ZNF804B: variants seen among roughly 807,000 people sequenced by gnomAD.
The protein encoded by ZNF804B is zinc finger 804B.
ZNF804B carries 80 observed loss-of-function variants against 101.4 expected under a neutral mutation model. That is an observed-to-expected ratio of 0.79 (90% CI 0.66 to 0.95). The LOEUF (loss-of-function observed/expected upper bound fraction) is 0.95. Ranked by LOEUF, ZNF804B falls within the 40% of genes least tolerant of loss-of-function variation. The pLI, the probability that ZNF804B is intolerant of heterozygous loss-of-function variation, is 0.00. For synonymous variants in ZNF804B, 622 were observed against 558.8 expected (o/e 1.11, Z -1.59); for missense variants, 1,673 against 1,561.9 (o/e 1.07, Z -1.20).
At chr7:89,015,217 T>C (rs1244535819) in intron 1 of ZNF804B, among the ~76,000 whole-genome samples, 4 of 152,146 alleles carry the variant, frequency 2.6e-5, no homozygotes, top group African/African-American at 7.2e-5. Context: ...TTTCTGTTTT[T>C]ATGCCAGTAT....
intron 2 of ZNF804B, among the ~76,000 whole-genome samples, chr7:89,292,494 A>C (rs1790312158): frequency 6.6e-6 from 1 of 152,116 alleles, no homozygotes; most frequent in Admixed American, 6.6e-5. Context: ...AGCTTAAAAT[A>C]ATATTTTATA....
chr7:88,833,552 A>C (rs1007416472), intron 1 of ZNF804B, among the ~76,000 whole-genome samples: 10 of 151,998 alleles, frequency 6.6e-5, no homozygotes, highest in African/African-American at 2.4e-4. Flanking sequence ...AAGATAGGAA[A>C]ATTTAGAGTC....
chr7:88,872,257 A>G (rs1791838323), intron 1 of ZNF804B, among the ~76,000 whole-genome samples: 2 of 152,094 alleles, frequency 1.3e-5, no homozygotes, highest in African/African-American at 4.8e-5. Context: ...GACCTGTACA[A>G]AATTGAACTG....
chr7:89,071,825 C>A (rs1460523454), intron 1 of ZNF804B, among the ~76,000 whole-genome samples: 1 of 149,024 alleles, frequency 6.7e-6, no homozygotes, highest in Non-Finnish European at 1.5e-5. Flanking sequence ...CTTCCAAAAA[C>A]ATAACATGGC....
intron 1 of ZNF804B, among the ~76,000 whole-genome samples, chr7:89,042,509 G>A (rs984572080): frequency 2.6e-5 from 4 of 152,002 alleles, no homozygotes; most frequent in Non-Finnish European, 5.9e-5. Flanking sequence ...TTTCACTACT[G>A]ATACTGAGTC....
At chr7:89,147,083 G>GGATATATATATA (rs1790802383) in intron 1 of ZNF804B, among the ~76,000 whole-genome samples, 1 of 140,180 alleles carries the variant, frequency 7.1e-6, no homozygotes, top group Non-Finnish European at 1.6e-5. Flanking sequence ...GGATAATCAG[G>GGATATATATATA]TATATATATA....
intron 1 of ZNF804B, among the ~76,000 whole-genome samples, chr7:89,115,411 T>C (rs1387873325): frequency 6.6e-6 from 1 of 152,208 alleles, no homozygotes; most frequent in African/African-American, 2.4e-5. Context: ...TTTGGTGTCC[T>C]GAAGGTTTTC....
chr7:89,318,705 T>C (rs1790767057), intron 2 of ZNF804B, among the ~76,000 whole-genome samples: 1 of 152,166 alleles, frequency 6.6e-6, no homozygotes, highest in African/African-American at 2.4e-5. Context: ...GAGGTTGCAG[T>C]GACCTGAGAT....
At chr7:88,922,894 C>T (rs1792742150) in intron 1 of ZNF804B, among the ~76,000 whole-genome samples, 1 of 151,802 alleles carries the variant, frequency 6.6e-6, no homozygotes, top group Non-Finnish European at 1.5e-5. Flanking sequence ...ATTCCTCTTA[C>T]ATCTCTAAAA....
At chr7:89,120,220 A>C (rs1228570826) in intron 1 of ZNF804B, among the ~76,000 whole-genome samples, 2 of 151,794 alleles carry the variant, frequency 1.3e-5, no homozygotes, top group African/African-American at 2.4e-5. Context: ...CCTAGGAGGC[A>C]GAGGTTGCAG....
At chr7:89,096,505 C>A (rs955201051) in intron 1 of ZNF804B, among the ~76,000 whole-genome samples, 1 of 152,116 alleles carries the variant, frequency 6.6e-6, no homozygotes, top group Non-Finnish European at 1.5e-5. Flanking sequence ...TTAGTGGTTG[C>A]TTTCGACTCA....
chr7:89,098,845 G>C (rs73391283), intron 1 of ZNF804B, among the ~76,000 whole-genome samples: 3,885 of 151,698 alleles, frequency 0.026, 173 homozygotes, highest in African/African-American at 0.086. Context: ...GCATTTATTT[G>C]TTTATAAGCT....
intron 1 of ZNF804B, among the ~76,000 whole-genome samples, chr7:89,115,904 G>GTTTTTT (rs112266242): frequency 1.4e-5 from 2 of 146,056 alleles, no homozygotes; most frequent in African/African-American, 2.5e-5. Flanking sequence ...AGGTTTTTTT[G>GTTTTTT]TTTTTTTTTT....
intron 1 of ZNF804B, among the ~76,000 whole-genome samples, chr7:89,091,187 G>T (rs1789881009): frequency 6.6e-6 from 1 of 151,638 alleles, no homozygotes; most frequent in African/African-American, 2.4e-5. Context: ...TGAGTTTAGG[G>T]ATGCTAATTA....
chr7:89,067,583 T>A (rs1379192467), intron 1 of ZNF804B, among the ~76,000 whole-genome samples: 1 of 152,138 alleles, frequency 6.6e-6, no homozygotes, highest in Non-Finnish European at 1.5e-5. Flanking sequence ...TGGCCAAAGT[T>A]GTCTCTTCCT....
intron 1 of ZNF804B, among the ~76,000 whole-genome samples, chr7:88,797,175 A>G (rs140099052): frequency 1.3e-5 from 2 of 152,094 alleles, no homozygotes; most frequent in East Asian, 3.9e-4. Context: ...TTATTTGTTC[A>G]TGTTTCATCC....
At chr7:89,259,564 A>C (rs1208834) in intron 2 of ZNF804B, among the ~76,000 whole-genome samples, 108,095 of 152,090 alleles carry the variant, frequency 0.71, 39,522 homozygotes, top group African/African-American at 0.86. Context: ...CATTGACAAG[A>C]CTTTCCATAG....
At chr7:89,228,841 G>A (rs576851018) in intron 2 of ZNF804B, among the ~76,000 whole-genome samples, 5 of 152,162 alleles carry the variant, frequency 3.3e-5, no homozygotes, top group African/African-American at 7.2e-5. Context: ...GGGAGGCTCC[G>A]GCGGCACAGG....
intron 1 of ZNF804B, among the ~76,000 whole-genome samples, chr7:88,937,248 G>A (rs1584026940): frequency 1.3e-5 from 2 of 152,102 alleles, no homozygotes; most frequent in East Asian, 3.9e-4. Flanking sequence ...ATAGTCCGCT[G>A]GCATTCTGGC....
Sources: allele counts gnomAD v4.1 joint callset (sites outside exome capture counted in the v4.1 genomes callset), GRCh38; gene constraint gnomAD v4.1.1; transcripts MANE v1.5; gene names NCBI Gene and HGNC (gene_info 2026-07-23, HGNC 2026-07-21).